The following ARID1B variants were observed in gnomAD, a reference collection of about 807,000 sequenced individuals.
ARID1B encodes the protein AT-rich interactive domain-containing protein 1B.
ARID1B carries 30 observed loss-of-function variants against 212.3 expected under a neutral mutation model. The observed-to-expected ratio is 0.14, with a 90% confidence interval of 0.11 to 0.19. The LOEUF is 0.19. Among genes scored for constraint, ARID1B ranks in the 10% least tolerant of loss-of-function variants. ARID1B has a pLI of 1.00. For missense variants in ARID1B, 2,891 were observed against 3,204.0 expected (o/e 0.90, Z 2.36); for synonymous variants, 1,402 against 1,301.7 (o/e 1.08, Z -1.66).
intron 4 of ARID1B, among the ~76,000 whole-genome samples, chr6:157,037,951 G>A (rs1781439634): frequency 6.6e-6 from 1 of 152,182 alleles, no homozygotes; most frequent in Non-Finnish European, 1.5e-5. Flanking sequence ...GAGAACACAA[G>A]AGGAAGAATT....
chr6:157,008,048 C>A (rs557080815), intron 4 of ARID1B, among the ~76,000 whole-genome samples: 1 of 152,138 alleles, frequency 6.6e-6, no homozygotes, highest in African/African-American at 2.4e-5. Flanking sequence ...CATTTAAATT[C>A]GGCAAATAAG....
Position 157,191,024 on chromosome 6 carries a change from C to G in ARID1B, c.4231+814C>G, listed in dbSNP as rs569263933. ...TGAGGCCGGCGGGGCCAAAGCCTTTCGGTGTCTGTGGGCGTATTGATGAAT... is the reference window on the plus strand; with the variant it reads ...TGAGGCCGGCGGGGCCAAAGCCTTTGGGTGTCTGTGGGCGTATTGATGAAT... On this transcript the variant is annotated intron_variant, in intron 15 of 19. Transcript: ENST00000636930. Among the ~76,000 whole-genome samples the G allele has an allele frequency of 1.3e-3, 203 of 152,058 alleles. 1 individual carries two copies. The highest frequency in any genetic ancestry group is 2.4e-3 in the Non-Finnish European group (162 of 67,976).
At chr6:157,188,618 T>A (rs1793142835) in intron 13 of ARID1B, among the ~76,000 whole-genome samples, 1 of 152,186 alleles carries the variant, frequency 6.6e-6, no homozygotes, top group Non-Finnish European at 1.5e-5. Context: ...TGCCATTTGT[T>A]CGGGGGGTTC....
At chr6:156,871,309 G>A (rs1389037498) in intron 2 of ARID1B, among the ~76,000 whole-genome samples, 1 of 152,146 alleles carries the variant, frequency 6.6e-6, no homozygotes, top group African/African-American at 2.4e-5. Flanking sequence ...AGTAGGTGAT[G>A]GACAAATAAA....
intron 2 of ARID1B, among the ~76,000 whole-genome samples, chr6:156,889,860 T>C (rs1298263932): frequency 2.0e-5 from 3 of 152,164 alleles, no homozygotes; most frequent in Non-Finnish European, 2.9e-5. Context: ...TTGCGTTGGT[T>C]GACTATACAT....
At chr6:157,121,569 G>A (rs1259658559) in intron 6 of ARID1B, among the ~76,000 whole-genome samples, 1 of 149,576 alleles carries the variant, frequency 6.7e-6, no homozygotes, top group Non-Finnish European at 1.5e-5. Context: ...GGTTTAGAAA[G>A]CAACATTGGA....
At chr6:156,833,688 G>T (rs1783299485) in intron 2 of ARID1B, among the ~76,000 whole-genome samples, 1 of 152,032 alleles carries the variant, frequency 6.6e-6, no homozygotes, top group African/African-American at 2.4e-5. Flanking sequence ...AATAGAAAAT[G>T]GCAAAATTAA....
intron 3 of ARID1B, among the ~76,000 whole-genome samples, chr6:156,914,759 C>T (rs1047584831): frequency 5.3e-5 from 8 of 152,166 alleles, no homozygotes; most frequent in Non-Finnish European, 7.3e-5. Flanking sequence ...ATATCCAAAG[C>T]GGGCCTCTGG....
intron 4 of ARID1B, among the ~76,000 whole-genome samples, chr6:156,980,358 C>A (rs1004372668): frequency 6.6e-6 from 1 of 152,210 alleles, no homozygotes; most frequent in African/African-American, 2.4e-5. Context: ...TGGTGGGCGC[C>A]TGTAATCCCA....
At chr6:157,173,881 T>C (rs1246682658) in intron 9 of ARID1B, 127 bp from the exon 10 acceptor site, 3 of 744,616 alleles carry the variant, frequency 4.0e-6, no homozygotes, top group Non-Finnish European at 6.5e-6. Context: ...TTACAATTTC[T>C]TTTTTCTTTT....
intron 4 of ARID1B, among the ~76,000 whole-genome samples, chr6:157,051,150 G>C (rs1248032854): frequency 6.6e-6 from 1 of 152,232 alleles, no homozygotes; most frequent in East Asian, 1.9e-4. Context: ...TGTCATTTGG[G>C]ATGATAAAAG....
At chr6:156,859,422 C>T (rs759822669) in intron 2 of ARID1B, among the ~76,000 whole-genome samples, 7 of 152,132 alleles carry the variant, frequency 4.6e-5, no homozygotes, top group African/African-American at 9.7e-5. Flanking sequence ...GGCTGCCCAT[C>T]GCCTGAGTTT....
At chr6:156,860,984 T>G (rs776036320) in intron 2 of ARID1B, among the ~76,000 whole-genome samples, 1 of 152,224 alleles carries the variant, frequency 6.6e-6, no homozygotes, top group Non-Finnish European at 1.5e-5. Context: ...TGGAAAAAGA[T>G]ACACATTCCA....
intron 3 of ARID1B, among the ~76,000 whole-genome samples, chr6:156,908,742 A>G (rs1278885820): frequency 6.6e-6 from 1 of 151,890 alleles, no homozygotes; most frequent in Non-Finnish European, 1.5e-5. Context: ...TGTTTTTCTA[A>G]ATTGCTTATT....
intron 4 of ARID1B, among the ~76,000 whole-genome samples, chr6:157,029,762 C>T (rs1037903330): frequency 2.0e-5 from 3 of 152,134 alleles, no homozygotes; most frequent in South Asian, 2.1e-4. Flanking sequence ...TGAAGAGCAG[C>T]GGGTGGCAGG....
chr6:156,846,854 C>T (rs963290728), intron 2 of ARID1B, among the ~76,000 whole-genome samples: 1 of 152,114 alleles, frequency 6.6e-6, no homozygotes, highest in African/African-American at 2.4e-5. Flanking sequence ...GTTTACCCAG[C>T]CCCCCGCCAC....
chr6:157,174,036 T>C lies in ARID1B; in HGVS notation c.3264T>C (p.Ser1088=). 6.2e-7 allele frequency: 1 copy of C among 1,614,170 alleles called. No homozygotes were observed. The highest frequency in any genetic ancestry group is 8.5e-7 in the Non-Finnish European group (1 of 1,180,012). The change falls in exon 10 of 20, where the codon TCT becomes TCC. Residue 1088 remains serine, a synonymous_variant. Coordinates refer to ENST00000636930, the MANE Select transcript of ARID1B (RefSeq NM_001374828.1). ...CTGTGGGTCTTGCAGATATGATGTC[T>C]CCTGGTGAATCCAAACTGCCCCTGC... ...AASVGLADMM[S]PGESKLPLPL...
intron 8 of ARID1B, among the ~76,000 whole-genome samples, chr6:157,155,479 CA>C (rs571766157): frequency 0.02 from 2,416 of 120,962 alleles, 33 homozygotes; most frequent in African/African-American, 0.058. Flanking sequence ...TTCTTAATTT[CA>C]AAAAAAAAAA....
chr6:157,016,300 G>A (rs188704061), intron 4 of ARID1B, among the ~76,000 whole-genome samples: 28 of 152,136 alleles, frequency 1.8e-4, no homozygotes, highest in Admixed American at 5.9e-4. Context: ...TTGCAAATAG[G>A]TGCCACCATC....
Sources: allele counts gnomAD v4.1 joint callset (sites outside exome capture counted in the v4.1 genomes callset), GRCh38; gene constraint gnomAD v4.1.1; transcripts MANE v1.5; gene names NCBI Gene and HGNC (gene_info 2026-07-23, HGNC 2026-07-21).